Variants in MPP7 observed in about 807,000 individuals in gnomAD.
MPP7 encodes the protein MAGUK p55 subfamily member 7.
In MPP7, 60 loss-of-function variants were observed where a neutral mutation model predicts 76.5. That is an observed-to-expected ratio of 0.78 (90% CI 0.64 to 0.97). The LOEUF (loss-of-function observed/expected upper bound fraction) is 0.97. Among genes scored for constraint, MPP7 ranks in the 50% least tolerant of loss-of-function variants. The pLI is 0.00. For missense variants in MPP7, 641 were observed against 694.0 expected, an observed-to-expected ratio of 0.92 and a Z score of 0.86; for synonymous variants, 237 against 244.5, an observed-to-expected ratio of 0.97 and a Z score of 0.29.
At chr10:28,323,468 G>C (rs915209) in intron 2 of MPP7, among the ~76,000 whole-genome samples, 36,817 of 149,104 alleles carry the variant, frequency 0.25, 5,960 homozygotes, top group African/African-American at 0.46. Flanking sequence ...AAAAAAAAAA[G>C]AAAGAAAGAA....
intron 16 of MPP7, 81 bp downstream of exon 16, chr10:28,056,399 T>A: frequency 7.0e-7 from 1 of 1,419,360 alleles, no homozygotes; most frequent in Non-Finnish European, 9.5e-7. Context: ...ACTCAAATGA[T>A]CCTCCTGCTT....
chr10:28,239,151 AT>A (rs201574540), intron 1 of MPP7, among the ~76,000 whole-genome samples: 12 of 146,036 alleles, frequency 8.2e-5, no homozygotes, highest in Admixed American at 1.4e-4. Context: ...TTTTATTTTT[AT>A]TTTTTTTTTT....
chr10:28,188,614 G>T (rs1027107865), intron 3 of MPP7, among the ~76,000 whole-genome samples: 1 of 152,124 alleles, frequency 6.6e-6, no homozygotes, highest in Non-Finnish European at 1.5e-5. Flanking sequence ...GACCAAAATA[G>T]TAAGCAAAGT....
At chr10:28,115,319 G>C (rs923085333) in intron 11 of MPP7, among the ~76,000 whole-genome samples, 1 of 152,110 alleles carries the variant, frequency 6.6e-6, no homozygotes, top group Non-Finnish European at 1.5e-5. Context: ...TGGTTAGGCT[G>C]GTTTCGAACT....
chr10:28,245,001 G>A (rs1839386530), intron 1 of MPP7, among the ~76,000 whole-genome samples: 1 of 152,094 alleles, frequency 6.6e-6, no homozygotes, highest in Non-Finnish European at 1.5e-5. Context: ...CATTTATAGT[G>A]TTGGCACATC....
chr10:28,281,178 C>T (rs1840661107), intron 1 of MPP7, among the ~76,000 whole-genome samples: 1 of 151,968 alleles, frequency 6.6e-6, no homozygotes, highest in Non-Finnish European at 1.5e-5. Flanking sequence ...CTCCCAGGTT[C>T]AAGCAATTCT....
chr10:28,234,795 G>GT (rs111503640), intron 2 of MPP7, among the ~76,000 whole-genome samples: 1 of 151,960 alleles, frequency 6.6e-6, no homozygotes, highest in Non-Finnish European at 1.5e-5. Context: ...GGATTTTGTT[G>GT]TTTTTTGTTT....
intron 3 of MPP7, among the ~76,000 whole-genome samples, chr10:28,178,338 T>C (rs942720898): frequency 6.6e-6 from 1 of 151,896 alleles, no homozygotes; most frequent in Non-Finnish European, 1.5e-5. Flanking sequence ...CTCCAACACA[T>C]AGATCTTCCA....
At chr10:28,268,266 G>A (rs1840210114) in intron 1 of MPP7, among the ~76,000 whole-genome samples, 1 of 152,096 alleles carries the variant, frequency 6.6e-6, no homozygotes, top group Non-Finnish European at 1.5e-5. Context: ...TTCAGGCTGG[G>A]AAGAAGGAAA....
At chr10:28,151,190 T>C (rs926626914) in intron 3 of MPP7, among the ~76,000 whole-genome samples, 12 of 152,304 alleles carry the variant, frequency 7.9e-5, no homozygotes, top group African/African-American at 2.9e-4. Flanking sequence ...TTCTATTACC[T>C]TTTTGGCAAC....
chr10:28,327,231 T>TAAAAAAAAAAAAAAAA (rs59442840), intron 2 of MPP7, among the ~76,000 whole-genome samples: 1 of 95,752 alleles, frequency 1.0e-5, no homozygotes. Context: ...GTCAAAGAAG[T>TAAAAAAAAAAAAAAAA]AAAAAAAAAA....
chr10:28,213,103 C>T (rs1417232773), intron 2 of MPP7, among the ~76,000 whole-genome samples: 1 of 152,036 alleles, frequency 6.6e-6, no homozygotes, highest in African/African-American at 2.4e-5. Flanking sequence ...CTAGATGTGA[C>T]TAATTTTTAA....
At position 28,155,625 on chromosome 10, in the gene MPP7, A is replaced by G. The variant is rs192124971; in HGVS notation, c.157-5566T>C. Among the ~76,000 whole-genome samples, 1,274 of 149,022 alleles carry G rather than the reference A, an allele frequency of 8.5e-3. 8 individuals carry two copies. Among genetic ancestry groups the G allele is most frequent in the Non-Finnish European group, 0.013 (857 of 67,782 alleles). On this transcript the variant is annotated intron_variant, in intron 3 of 16. Coordinates refer to ENST00000683449, the MANE Select transcript of MPP7 (RefSeq NM_001318170.2). ...AAAAAAAAAAGAAAGAAAAAGAAAAAGGCATTAAAGAATAGGAGACCCTTG... is the reference window on the plus strand; with the variant it reads ...AAAAAAAAAAGAAAGAAAAAGAAAAGGGCATTAAAGAATAGGAGACCCTTG...
intron 2 of MPP7, among the ~76,000 whole-genome samples, chr10:28,225,767 A>C (rs1387652991): frequency 1.3e-5 from 2 of 152,226 alleles, no homozygotes; most frequent in African/African-American, 4.8e-5. Flanking sequence ...TTCCTTAAAA[A>C]GCTAAACACA....
chr10:28,100,284 T>C (rs996060105), intron 11 of MPP7, among the ~76,000 whole-genome samples: 1 of 152,116 alleles, frequency 6.6e-6, no homozygotes, highest in Non-Finnish European at 1.5e-5. Context: ...ACCAACATAG[T>C]AACATGATCT....
At chr10:28,322,024 C>T (rs1834373546) in intron 2 of MPP7, among the ~76,000 whole-genome samples, 1 of 148,298 alleles carries the variant, frequency 6.7e-6, no homozygotes, top group South Asian at 2.1e-4. Flanking sequence ...AGATAAAAAC[C>T]TGCTTTTCTG....
At chr10:28,080,674 G>A (rs1852719447) in intron 12 of MPP7, among the ~76,000 whole-genome samples, 1 of 152,142 alleles carries the variant, frequency 6.6e-6, no homozygotes, top group Non-Finnish European at 1.5e-5. Flanking sequence ...TGTGGTTTAT[G>A]CCCAGAAATG....
chr10:28,318,914 T>C (rs1333746860), intron 2 of MPP7, among the ~76,000 whole-genome samples: 1 of 152,226 alleles, frequency 6.6e-6, no homozygotes, highest in Non-Finnish European at 1.5e-5. Context: ...AAGAACCAAT[T>C]TGTAAATGTA....
intron 3 of MPP7, among the ~76,000 whole-genome samples, chr10:28,193,952 G>T (rs573227840): frequency 6.6e-6 from 1 of 152,014 alleles, no homozygotes; most frequent in Admixed American, 6.5e-5. Flanking sequence ...ACTCATTGCT[G>T]GTAGGAATTC....
Sources: allele counts gnomAD v4.1 joint callset (sites outside exome capture counted in the v4.1 genomes callset), GRCh38; gene constraint gnomAD v4.1.1; transcripts MANE v1.5; gene names NCBI Gene and HGNC (gene_info 2026-07-23, HGNC 2026-07-21).